The following ESR1 variants were observed in gnomAD, a reference collection of about 807,000 sequenced individuals.
ESR1 encodes the protein estrogen receptor 1, also known as estrogen receptor.
A neutral mutation model predicts 52.7 loss-of-function variants in ESR1; 12 were observed. The ratio of observed to expected loss-of-function variants is 0.23; its 90% confidence interval spans 0.15 to 0.37. The LOEUF is 0.37. Among genes scored for constraint, ESR1 ranks in the 10% least tolerant of loss-of-function variants. ESR1 has a pLI of 1.00. For missense variants in ESR1, 584 were observed against 779.7 expected (o/e 0.75, Z 2.99); for synonymous variants, 305 against 316.8 (o/e 0.96, Z 0.39).
intron 2 of ESR1, among the ~76,000 whole-genome samples, chr6:151,852,469 C>T (rs1261014615): frequency 6.6e-6 from 1 of 152,018 alleles, no homozygotes; most frequent in African/African-American, 2.4e-5. Flanking sequence ...TGTGCAAAGC[C>T]CTTCTAAACA....
chr6:151,992,286 C>T (rs1483300428), intron 4 of ESR1, among the ~76,000 whole-genome samples: 3 of 152,118 alleles, frequency 2.0e-5, no homozygotes, highest in Non-Finnish European at 4.4e-5. Context: ...TCATCCCAGG[C>T]AAACTCTGTA....
intron 2 of ESR1, among the ~76,000 whole-genome samples, chr6:151,779,245 A>C (rs1786299168): frequency 6.6e-6 from 1 of 152,134 alleles, no homozygotes; most frequent in South Asian, 2.1e-4. Context: ...TTAAATCTTT[A>C]ATCTGTCTTG....
intron 4 of ESR1, among the ~76,000 whole-genome samples, chr6:152,002,768 A>G (rs2042054223): frequency 6.6e-6 from 1 of 152,068 alleles, no homozygotes; most frequent in African/African-American, 2.4e-5. Flanking sequence ...AAAAAAATAA[A>G]AAGAAGCTGT....
rs573579907 is a variant in ESR1, at chr6:151,752,350, T to G, written c.-71+50345T>G. Among the ~76,000 whole-genome samples, 3 of 152,314 alleles carry G rather than the reference T, an allele frequency of 2.0e-5. No homozygotes were observed. In the South Asian group the frequency reaches 6.2e-4, roughly 32 times the overall value. On this transcript the variant is annotated intron_variant, in intron 2 of 2. Coordinates refer to the ESR1 transcript ENST00000404742. ...TCTGAAATGTATTCTTAATAATGATTTAGAATATGGGGTAAATGTAGAGGC... is the reference window on the plus strand; with the variant it reads ...TCTGAAATGTATTCTTAATAATGATGTAGAATATGGGGTAAATGTAGAGGC...
intron 6 of ESR1, among the ~76,000 whole-genome samples, chr6:152,062,546 G>A (rs1306165314): frequency 6.6e-6 from 1 of 152,204 alleles, no homozygotes; most frequent in Non-Finnish European, 1.5e-5. Context: ...TTCCACTCAC[G>A]TGCATTGTGC....
chr6:152,103,989 T>TC (rs2051030595), downstream of ESR1, among the ~76,000 whole-genome samples: 1 of 146,178 alleles, frequency 6.8e-6, no homozygotes, highest in African/African-American at 2.7e-5. Flanking sequence ...CCTTTTTTTT[T>TC]TTTTTTTTTT....
Position 152,034,342 on chromosome 6 carries a change from A to G in ESR1, c.1235+22548A>G, listed in dbSNP as rs1334156633. Among the ~76,000 whole-genome samples the G allele has an allele frequency of 2.0e-5, 3 of 151,080 alleles. No individual in the cohort carries two copies. In the East Asian group the frequency reaches 5.9e-4, roughly 30 times the overall value. On this transcript the variant is annotated intron_variant, in intron 5 of 7. Transcript: ENST00000206249. ...ATACTAGTTTGGCTGCATTGCTTTGATTTTCTTCTTTAGGGGCCTGTTCAT... is the reference window on the plus strand; with the variant it reads ...ATACTAGTTTGGCTGCATTGCTTTGGTTTTCTTCTTTAGGGGCCTGTTCAT...
At chr6:152,117,777 C>A (rs991742747) in intron 6 of ESR1, among the ~76,000 whole-genome samples, 1 of 152,322 alleles carries the variant, frequency 6.6e-6, no homozygotes, top group Admixed American at 6.5e-5. Context: ...AAATTTAGGC[C>A]TGTCTGTGGT....
At chr6:151,748,728 A>G (rs1783671591) in intron 2 of ESR1, among the ~76,000 whole-genome samples, 1 of 152,192 alleles carries the variant, frequency 6.6e-6, no homozygotes, top group Non-Finnish European at 1.5e-5. Context: ...AAAATAGTTC[A>G]GTAAAAGTTG....
chr6:151,871,989 A>G (rs2128311886), intron 2 of ESR1, among the ~76,000 whole-genome samples: 1 of 152,300 alleles, frequency 6.6e-6, no homozygotes, highest in Non-Finnish European at 1.5e-5. Flanking sequence ...CTGTTGATGG[A>G]CATTTGGATG....
intron 5 of ESR1, among the ~76,000 whole-genome samples, chr6:152,032,293 C>G (rs1313385166): frequency 6.6e-6 from 1 of 152,110 alleles, no homozygotes; most frequent in Non-Finnish European, 1.5e-5. Context: ...CTGGTTAGGG[C>G]AATCAGGCAG....
intron 6 of ESR1, chr6:152,121,592 C>T (rs2051391653): frequency 6.6e-6 from 1 of 152,166 alleles, no homozygotes; most frequent in Non-Finnish European, 1.5e-5. Context: ...ATTCATTGCA[C>T]AGAAAAATGA....
At chr6:151,794,565 C>T (rs1014314670) in intron 2 of ESR1, among the ~76,000 whole-genome samples, 5 of 151,522 alleles carry the variant, frequency 3.3e-5, no homozygotes, top group East Asian at 1.9e-4. Flanking sequence ...ACAATCTACC[C>T]GTTATTTACA....
Position 151,778,483 on chromosome 6 carries a change from G to A in ESR1, c.-70-29360G>A, listed in dbSNP as rs192132406. On this transcript the variant is annotated intron_variant, in intron 2 of 2. Transcript: ENST00000404742. Reference sequence around the variant, plus strand: ...GGCGGTGGCATGATCTCGGCTCATTGCAACCTCCACCTCCCAGGTTCTAGC... The same window carrying A: ...GGCGGTGGCATGATCTCGGCTCATTACAACCTCCACCTCCCAGGTTCTAGC... Among the ~76,000 whole-genome samples the A allele has an allele frequency of 7.0e-4, 103 of 147,926 alleles. No homozygotes were observed. The East Asian group carries it at 0.017, about 25-fold the overall frequency.
intron 5 of ESR1, among the ~76,000 whole-genome samples, chr6:152,040,915 G>T (rs1280589801): frequency 1.3e-5 from 2 of 152,204 alleles, no homozygotes; most frequent in African/African-American, 4.8e-5. Context: ...CTCAGGACTT[G>T]CTTGAGCCTG....
intron 4 of ESR1, among the ~76,000 whole-genome samples, chr6:151,997,970 C>T (rs1040959181): frequency 6.6e-6 from 1 of 152,094 alleles, no homozygotes; most frequent in African/African-American, 2.4e-5. Context: ...CCCAGCTCTT[C>T]TTGTTACTTC....
chr6:151,777,120 TTTC>T (rs1382136086), intron 2 of ESR1, among the ~76,000 whole-genome samples: 2,207 of 144,888 alleles, frequency 0.015, 56 homozygotes, highest in African/African-American at 0.052. Context: ...TTTCTTTTCT[TTTC>T]TTTTTTTTTT....
At chr6:151,990,585 A>G (rs577691413) in intron 4 of ESR1, among the ~76,000 whole-genome samples, 14 of 151,486 alleles carry the variant, frequency 9.2e-5, no homozygotes, top group Non-Finnish European at 1.8e-4. Context: ...CTCCCATTCC[A>G]TGGGGAAGAA....
chr6:152,067,925 ACTGTAG>A (rs2048095329), intron 6 of ESR1, among the ~76,000 whole-genome samples: 1 of 152,218 alleles, frequency 6.6e-6, no homozygotes, highest in African/African-American at 2.4e-5. Flanking sequence ...AATATGAATG[ACTGTAG>A]CTTCTACTTA....
Sources: gnomAD v4.1 joint callset for allele counts (sites outside exome capture counted in the v4.1 genomes callset) on GRCh38, gnomAD v4.1.1 for gene constraint, MANE v1.5 for transcripts, NCBI Gene and HGNC (gene_info 2026-07-23, HGNC 2026-07-21) for gene names.